The following ZNF717 variants were observed in gnomAD, a reference collection of about 807,000 sequenced individuals.
ZNF717 encodes the protein zinc finger protein 717.
A neutral mutation model predicts 13.8 loss-of-function variants in ZNF717; 9 were observed. The ratio of observed to expected loss-of-function variants is 0.65; its 90% confidence interval spans 0.39 to 1.14. The LOEUF (loss-of-function observed/expected upper bound fraction) is 1.14, where lower values mean the gene tolerates loss of function less well. ZNF717 is among the 50% of genes most tolerant of loss of function. ZNF717 has a pLI of 0.01. For synonymous variants in ZNF717, 327 were observed against 364.1 expected, an observed-to-expected ratio of 0.90 and a Z score of 1.16; for missense variants, 1,040 against 1,080.7, an observed-to-expected ratio of 0.96 and a Z score of 0.53.
chr3:75,700,611 T>C (rs1388006897), intron 6 of ZNF717, among the ~76,000 whole-genome samples: 1 of 152,396 alleles, frequency 6.6e-6, no homozygotes. Context: ...TGGAATGAAA[T>C]AGAGACCTTA....
In ZNF717 at chr3:75,749,933, C is replaced by T. The variant is rs1245334656; in HGVS notation, c.58-8197G>A. ...TGTTGGGTTCTGAGGGTTTGTCCCTCACATAGGATTCCAGAATACTGCTAC... is the reference window on the plus strand; with the variant it reads ...TGTTGGGTTCTGAGGGTTTGTCCCTTACATAGGATTCCAGAATACTGCTAC... On this transcript the variant is annotated intron_variant, in intron 2 of 4. Transcript: ENST00000652011. Among the ~76,000 whole-genome samples the T allele has an allele frequency of 2.6e-5, 4 of 151,394 alleles. No homozygotes were observed. In the East Asian group the frequency reaches 7.8e-4, roughly 30 times the overall value.
intron 2 of ZNF717, among the ~76,000 whole-genome samples, chr3:75,777,693 G>A (rs1368806825): frequency 6.9e-6 from 1 of 144,590 alleles, no homozygotes; most frequent in Non-Finnish European, 1.5e-5. Flanking sequence ...GCAAAAACCA[G>A]AACCCAAAAT....
At chr3:75,713,080 C>A (rs1165227974) in intron 5 of ZNF717, among the ~76,000 whole-genome samples, 1 of 151,946 alleles carries the variant, frequency 6.6e-6, no homozygotes, top group Non-Finnish European at 1.5e-5. Context: ...CCACTGCATT[C>A]CAGCCTGGGT....
chr3:75,703,522 CTG>C (rs1937738496), intron 6 of ZNF717, among the ~76,000 whole-genome samples: 1 of 150,770 alleles, frequency 6.6e-6, no homozygotes, highest in Non-Finnish European at 1.5e-5. Flanking sequence ...GAGCAAGACT[CTG>C]TCTCAAAATA....
chr3:75,717,025 A>C (rs1344835675), intron 4 of ZNF717, among the ~76,000 whole-genome samples: 1 of 152,190 alleles, frequency 6.6e-6, no homozygotes, highest in Non-Finnish European at 1.5e-5. Context: ...GACACTGTGC[A>C]GTCTTTTTCT....
chr3:75,753,879 T>C (rs1314774224), intron 2 of ZNF717, among the ~76,000 whole-genome samples: 2 of 150,632 alleles, frequency 1.3e-5, no homozygotes, highest in Non-Finnish European at 3.0e-5. Flanking sequence ...AGGGTCTGAA[T>C]GTTTGTCCCT....
At chr3:75,764,511 G>C (rs1412329598) in intron 2 of ZNF717, among the ~76,000 whole-genome samples, 1 of 152,234 alleles carries the variant, frequency 6.6e-6, no homozygotes, top group Non-Finnish European at 1.5e-5. Context: ...CATGACCCTG[G>C]CCCAACGTAA....
downstream of ZNF717, among the ~76,000 whole-genome samples, chr3:75,727,848 A>C (rs1415778004): frequency 6.6e-6 from 1 of 152,138 alleles, no homozygotes; most frequent in Non-Finnish European, 1.5e-5. Context: ...CCTAATAAAA[A>C]CTGGCTGGTT....
At chr3:75,768,913 C>G (rs563213636) in intron 2 of ZNF717, among the ~76,000 whole-genome samples, 91 of 152,292 alleles carry the variant, frequency 6.0e-4, no homozygotes, top group African/African-American at 2.0e-3. Flanking sequence ...GACAGGCCAC[C>G]ACAATCACAA....
intron 4 of ZNF717, among the ~76,000 whole-genome samples, chr3:75,721,458 T>C (rs1938163780): frequency 2.6e-5 from 4 of 152,148 alleles, no homozygotes; most frequent in South Asian, 2.1e-4. Flanking sequence ...ATTTTGTATT[T>C]TCAGTAGAGA....
chr3:75,763,482 C>T (rs1250369675), intron 2 of ZNF717, among the ~76,000 whole-genome samples: 5 of 152,252 alleles, frequency 3.3e-5, no homozygotes, highest in African/African-American at 1.2e-4. Context: ...TATAGCTGCA[C>T]ATCATGTATC....
At chr3:75,764,816 A>AT (rs1943303861) in intron 2 of ZNF717, among the ~76,000 whole-genome samples, 1 of 149,884 alleles carries the variant, frequency 6.7e-6, no homozygotes, top group African/African-American at 2.5e-5. Context: ...TGGCTCCTCA[A>AT]AAAAAAAATA....
chr3:75,704,313 G>C (rs1448808777), intron 6 of ZNF717, among the ~76,000 whole-genome samples: 1 of 152,306 alleles, frequency 6.6e-6, no homozygotes, highest in Non-Finnish European at 1.5e-5. Context: ...TTTTTGGTCT[G>C]TATCAGGACC....
chr3:75,722,462 T>C (rs1305320030), intron 4 of ZNF717, among the ~76,000 whole-genome samples: 1 of 152,102 alleles, frequency 6.6e-6, no homozygotes, highest in Non-Finnish European at 1.5e-5. Flanking sequence ...TTTGACTAAG[T>C]GTGTGAAGAA....
intron 2 of ZNF717, among the ~76,000 whole-genome samples, chr3:75,774,378 G>C (rs1284580677): frequency 6.6e-6 from 1 of 151,812 alleles, no homozygotes; most frequent in Non-Finnish European, 1.5e-5. Flanking sequence ...TATTTAATAG[G>C]CTTCCCAAAA....
intron 2 of ZNF717, among the ~76,000 whole-genome samples, chr3:75,769,317 A>G (rs1276457390): frequency 6.6e-6 from 1 of 152,114 alleles, no homozygotes; most frequent in Non-Finnish European, 1.5e-5. Context: ...GCTGGCCACA[A>G]AGAGAGGGCT....
At chr3:75,708,505 CAAAGATGGGGAA>C (rs1267183578), downstream of ZNF717, among the ~76,000 whole-genome samples, 211 of 152,224 alleles carry the variant, frequency 1.4e-3, 3 homozygotes, top group Admixed American at 2.9e-3. Flanking sequence ...GATAAAACCA[CAAAGATGGGGAA>C]AAAACACAGC....
chr3:75,703,120 GTTAAT>G (rs1937731527), intron 6 of ZNF717, among the ~76,000 whole-genome samples: 1 of 152,304 alleles, frequency 6.6e-6, no homozygotes, highest in South Asian at 2.1e-4. Context: ...TTCAATTGTA[GTTAAT>G]TTAATCACAT....
At chr3:75,704,092 T>C in intron 6 of ZNF717, among the ~76,000 whole-genome samples, 1 of 152,310 alleles carries the variant, frequency 6.6e-6, no homozygotes, top group African/African-American at 2.4e-5. Context: ...TTGACTTTAG[T>C]GAGTACATCT....
Sources: gnomAD v4.1 joint callset for allele counts (sites outside exome capture counted in the v4.1 genomes callset) on GRCh38, gnomAD v4.1.1 for gene constraint, MANE v1.5 for transcripts, NCBI Gene and HGNC (gene_info 2026-07-23, HGNC 2026-07-21) for gene names.